Variants in BANK1 observed in about 807,000 individuals in gnomAD.
The protein encoded by BANK1 is B-cell scaffold protein with ankyrin repeats.
Under a neutral mutation model 94.5 loss-of-function variants are expected in BANK1, and 95 were observed. The ratio of observed to expected loss-of-function variants is 1.00; its 90% CI spans 0.85 to 1.19. The LOEUF (loss-of-function observed/expected upper bound fraction) is 1.19. Among genes scored for constraint, BANK1 ranks in the 50% most tolerant of loss-of-function variants. The pLI, the probability that BANK1 is intolerant of heterozygous loss-of-function variation, is 0.00. For missense variants in BANK1, 987 were observed against 932.2 expected (o/e 1.06, Z -0.77); for synonymous variants, 334 against 308.4 (o/e 1.08, Z -0.87).
At chr4:101,812,468 A>T (rs547259040) in intron 1 of BANK1, among the ~76,000 whole-genome samples, 1 of 152,120 alleles carries the variant, frequency 6.6e-6, no homozygotes, top group Non-Finnish European at 1.5e-5. Context: ...ATAATTAAGC[A>T]GTGAGATTCA....
intron 3 of BANK1, among the ~76,000 whole-genome samples, chr4:101,855,827 C>G (rs1727658468): frequency 6.6e-6 from 1 of 152,130 alleles, no homozygotes; most frequent in Admixed American, 6.5e-5. Context: ...AAGAGATAGT[C>G]CTTCAGGAAA....
In BANK1 at chr4:101,833,292, T is replaced by C. The variant is rs569013121; in HGVS notation, c.469+3086T>C. On this transcript the variant is annotated intron_variant, in intron 2 of 16. Coordinates refer to ENST00000322953, the MANE Select transcript of BANK1 (RefSeq NM_017935.5). Reference sequence around the variant, plus strand: ...CTGCACCTGGCCTCAAGTTTTCTTATGTGTCACTGAGAAAAGTGAGTTTTT... The same window carrying C: ...CTGCACCTGGCCTCAAGTTTTCTTACGTGTCACTGAGAAAAGTGAGTTTTT... Among the ~76,000 whole-genome samples the C allele has an allele frequency of 7.2e-5, 11 of 152,340 alleles. No individual in the cohort carries two copies. In the South Asian group the frequency reaches 1.9e-3, roughly 26 times the overall value.
At chr4:101,905,102 C>T (rs879464122) in intron 6 of BANK1, among the ~76,000 whole-genome samples, 5 of 152,168 alleles carry the variant, frequency 3.3e-5, no homozygotes, top group Non-Finnish European at 4.4e-5. Context: ...GTTCTCCTGG[C>T]TCTGCTTTCC....
intron 2 of BANK1, among the ~76,000 whole-genome samples, chr4:101,836,453 C>G (rs1268673216): frequency 6.6e-6 from 1 of 152,190 alleles, no homozygotes; most frequent in Non-Finnish European, 1.5e-5. Context: ...GCACTCCAAC[C>G]TGGGCGACAG....
intron 7 of BANK1, among the ~76,000 whole-genome samples, chr4:101,932,645 C>G (rs1723395032): frequency 6.6e-6 from 1 of 151,474 alleles, no homozygotes; most frequent in Non-Finnish European, 1.5e-5. Context: ...TGCTAAATGT[C>G]TATCTCCTAC....
At chr4:102,062,922 C>T (rs1040177675) in intron 12 of BANK1, 153 bp from the exon 13 acceptor site, 18 of 598,372 alleles carry the variant, frequency 3.0e-5, no homozygotes, top group Non-Finnish European at 3.9e-5. Context: ...AGTAAGATAA[C>T]GTGGAAAGTA....
At chr4:101,818,823 C>T (rs13107612) in intron 1 of BANK1, among the ~76,000 whole-genome samples, 45,332 of 150,578 alleles carry the variant, frequency 0.3, 6,869 homozygotes, top group African/African-American at 0.34. Context: ...TTCAGGGATC[C>T]GCTGGGGGTC....
At chr4:101,933,028 C>T (rs542908447) in intron 7 of BANK1, among the ~76,000 whole-genome samples, 47 of 151,540 alleles carry the variant, frequency 3.1e-4, no homozygotes, top group Middle Eastern at 6.8e-3. Flanking sequence ...GGAAAATGTA[C>T]ACTGAAAAAT....
At chr4:101,989,443 A>C (rs1162090209) in intron 7 of BANK1, among the ~76,000 whole-genome samples, 1 of 151,642 alleles carries the variant, frequency 6.6e-6, no homozygotes, top group African/African-American at 2.4e-5. Flanking sequence ...AAAAAAAAAA[A>C]AAAAAAAAAA....
chr4:101,799,343 C>CATA (rs1725270115), intron 1 of BANK1, among the ~76,000 whole-genome samples: 1 of 151,958 alleles, frequency 6.6e-6, no homozygotes, highest in Admixed American at 6.6e-5. Flanking sequence ...GTACCAGTAC[C>CATA]ATACTGTTTT....
intron 7 of BANK1, among the ~76,000 whole-genome samples, chr4:102,007,146 T>TTATATATATATATATATATATA (rs376933355): frequency 3.9e-4 from 15 of 38,020 alleles, no homozygotes; most frequent in South Asian, 1.2e-3. Flanking sequence ...AAAATATATT[T>TTATATATATATATATATATATA]TATATATATA....
At chr4:101,993,920 G>A (rs1034785799) in intron 7 of BANK1, among the ~76,000 whole-genome samples, 3 of 152,178 alleles carry the variant, frequency 2.0e-5, no homozygotes, top group Non-Finnish European at 4.4e-5. Flanking sequence ...TTAATAACAA[G>A]CTCACACTGG....
intron 11 of BANK1, among the ~76,000 whole-genome samples, chr4:102,054,739 A>G (rs1728172268): frequency 6.6e-6 from 1 of 151,818 alleles, no homozygotes; most frequent in Non-Finnish European, 1.5e-5. Context: ...ATTAGACAAG[A>G]ATAGTAAACT....
intron 1 of BANK1, among the ~76,000 whole-genome samples, chr4:101,805,577 C>A (rs1725522444): frequency 6.7e-6 from 1 of 148,958 alleles, no homozygotes; most frequent in Admixed American, 6.7e-5. Flanking sequence ...AATAAATATA[C>A]AAATATTTAT....
chr4:102,000,206 C>T (rs557499010), intron 7 of BANK1, among the ~76,000 whole-genome samples: 1 of 151,770 alleles, frequency 6.6e-6, no homozygotes, highest in South Asian at 2.1e-4. Flanking sequence ...ACCTGTATTC[C>T]CAGCTACTCA....
chr4:102,063,805 C>A (rs1227586715), intron 13 of BANK1, among the ~76,000 whole-genome samples: 8 of 129,770 alleles, frequency 6.2e-5, no homozygotes, highest in African/African-American at 8.9e-5. Context: ...GGTGACAGAG[C>A]AAGACTCTAT....
intron 7 of BANK1, among the ~76,000 whole-genome samples, chr4:101,974,860 G>C (rs1373709614): frequency 1.3e-5 from 2 of 152,062 alleles, no homozygotes; most frequent in Non-Finnish European, 2.9e-5. Flanking sequence ...GGGAGGCTGA[G>C]GCAGGAGAAT....
intron 11 of BANK1, among the ~76,000 whole-genome samples, chr4:102,059,330 C>T (rs1728336792): frequency 6.6e-6 from 1 of 152,052 alleles, no homozygotes; most frequent in African/African-American, 2.4e-5. Flanking sequence ...TGTTACCTAC[C>T]CCTCCTGAAA....
chr4:101,997,999 T>C (rs1725937296), intron 7 of BANK1, among the ~76,000 whole-genome samples: 1 of 152,220 alleles, frequency 6.6e-6, no homozygotes, highest in South Asian at 2.1e-4. Flanking sequence ...GTTCTGTTAA[T>C]TGCGATGTAA....
Sources: gnomAD v4.1 joint callset for allele counts (sites outside exome capture counted in the v4.1 genomes callset) on GRCh38, gnomAD v4.1.1 for gene constraint, MANE v1.5 for transcripts, NCBI Gene and HGNC (gene_info 2026-07-23, HGNC 2026-07-21) for gene names.